Variants in KATNAL1 observed in about 807,000 individuals in gnomAD.
KATNAL1 encodes the protein katanin catalytic subunit A1 like 1, also known as katanin p60 ATPase-containing subunit A-like 1.
Under a neutral mutation model 55.2 loss-of-function variants are expected in KATNAL1, and 32 were observed. The observed-to-expected ratio is 0.58, with a 90% confidence interval of 0.44 to 0.78. The LOEUF is 0.78. Among genes scored for constraint, KATNAL1 ranks in the 30% least tolerant of loss-of-function variants. The probability of loss-of-function intolerance (pLI) is 0.00; values close to 1 mark genes in which losing one functional copy is unlikely to be tolerated. For missense variants in KATNAL1, 466 were observed against 600.9 expected (o/e 0.78, Z 2.35); for synonymous variants, 193 against 193.6 (o/e 1.00, Z 0.02).
chr13:30,255,241 T>A (rs1245739207), intron 4 of KATNAL1, among the ~76,000 whole-genome samples: 1 of 152,236 alleles, frequency 6.6e-6, no homozygotes, highest in Non-Finnish European at 1.5e-5. Context: ...TACATGTATG[T>A]GTATATAGAT....
chr13:30,301,685 C>G (rs907534911), intron 1 of KATNAL1, among the ~76,000 whole-genome samples: 2 of 152,078 alleles, frequency 1.3e-5, no homozygotes, highest in African/African-American at 2.4e-5. Flanking sequence ...GCCTCAAATT[C>G]CTTTAAAGTT....
At chr13:30,293,537 A>C (rs1269609990) in intron 1 of KATNAL1, among the ~76,000 whole-genome samples, 2 of 152,198 alleles carry the variant, frequency 1.3e-5, no homozygotes, top group African/African-American at 4.8e-5. Flanking sequence ...TTGAGGTATA[A>C]TTTTCATACA....
At chr13:30,210,988 C>T (rs903527991) in intron 9 of KATNAL1, among the ~76,000 whole-genome samples, 2 of 152,188 alleles carry the variant, frequency 1.3e-5, no homozygotes, top group African/African-American at 4.8e-5. Context: ...AGCCCACAGA[C>T]ATTTGCTGTT....
At chr13:30,278,704 A>G (rs9579550) in intron 3 of KATNAL1, among the ~76,000 whole-genome samples, 32,387 of 152,182 alleles carry the variant, frequency 0.21, 3,731 homozygotes, top group East Asian at 0.3. Flanking sequence ...AGAATTAATG[A>G]CTTTCAGTAA....
chr13:30,265,221 T>C (rs1353352076), intron 3 of KATNAL1, among the ~76,000 whole-genome samples: 1 of 125,656 alleles, frequency 8.0e-6, no homozygotes, highest in Non-Finnish European at 1.7e-5. Flanking sequence ...TGGGGACTGT[T>C]GTGGGGTGGG....
At position 30,208,606 on chromosome 13, in the gene KATNAL1, A is replaced by G; in HGVS notation, c.1407T>C (p.Ala469=). The change falls in exon 11 of 11, where the codon GCT becomes GCC. Residue 469 remains alanine, a synonymous_variant. Coordinates refer to ENST00000380615, the MANE Select transcript of KATNAL1 (RefSeq NM_032116.5). Reference sequence around the variant, plus strand: ...CCAAGTCTGCAGCAGAGACAGACTTAGCAATTTTCTTTAGGGCCAATTCAA... The same window carrying G: ...CCAAGTCTGCAGCAGAGACAGACTTGGCAATTTTCTTTAGGGCCAATTCAA... ...GDFELALKKI[A]KSVSAADLEK... 1.9e-6 allele frequency: 3 copies of G among 1,613,698 alleles called. No individual in the cohort carries two copies. The highest frequency in any genetic ancestry group is 2.5e-6 in the Non-Finnish European group (3 of 1,179,816).
Position 30,307,521 on chromosome 13 carries a change from G to T in KATNAL1, c.-205C>A, listed in dbSNP as rs1230177113. 1 of 152,280 alleles carries T rather than the reference G, an allele frequency of 6.6e-6. No individual in the cohort carries two copies. The highest frequency in any genetic ancestry group is 1.5e-5 in the Non-Finnish European group (1 of 68,132). 9.4% of individuals were successfully genotyped at this position (152,280 alleles called of 1,614,324 possible). ...CAGCGCGGGAGGGAGCGCGGGGGCT[G>T]TGAGTCCGCTCTGGGGCGGAGCTTG... On this transcript the variant is annotated 5_prime_UTR_variant, in exon 1 of 11. Transcript: ENST00000380615.
At chr13:30,217,070 T>C (rs189911585) in intron 9 of KATNAL1, among the ~76,000 whole-genome samples, 114 of 151,892 alleles carry the variant, frequency 7.5e-4, no homozygotes, top group Admixed American at 2.0e-3. Flanking sequence ...GTAACTATGA[T>C]TGGTGGCGGG....
chr13:30,274,891 ACGCGCG>A (rs138328965), intron 3 of KATNAL1, among the ~76,000 whole-genome samples: 2,021 of 122,088 alleles, frequency 0.017, 24 homozygotes, highest in Middle Eastern at 0.042. Context: ...GCACACACAT[ACGCGCG>A]CGCGCGCGCG....
At chr13:30,262,193 A>G (rs1014102033) in intron 3 of KATNAL1, among the ~76,000 whole-genome samples, 1 of 151,812 alleles carries the variant, frequency 6.6e-6, no homozygotes, top group Admixed American at 6.6e-5. Context: ...ACAACATACC[A>G]GAATCTCTGG....
intron 4 of KATNAL1, among the ~76,000 whole-genome samples, chr13:30,254,706 C>A (rs1311608158): frequency 6.6e-6 from 1 of 152,136 alleles, no homozygotes; most frequent in South Asian, 2.1e-4. Flanking sequence ...TAAAACTTTT[C>A]TGTGGCAATT....
At chr13:30,252,750 T>C (rs1410865997) in intron 4 of KATNAL1, among the ~76,000 whole-genome samples, 1 of 151,874 alleles carries the variant, frequency 6.6e-6, no homozygotes, top group African/African-American at 2.4e-5. Flanking sequence ...TCCTTTCTTT[T>C]TTTTTTTTTT....
chr13:30,244,591 C>CA (rs1200294714), intron 4 of KATNAL1, among the ~76,000 whole-genome samples: 14 of 152,024 alleles, frequency 9.2e-5, no homozygotes, highest in East Asian at 3.9e-4. Context: ...GCAAACCCTT[C>CA]AAAAAATCAA....
intron 1 of KATNAL1, among the ~76,000 whole-genome samples, chr13:30,302,120 C>T (rs1056795404): frequency 3.9e-5 from 6 of 152,178 alleles, no homozygotes; most frequent in African/African-American, 1.2e-4. Flanking sequence ...AGCTTTCTGC[C>T]CCTCTCAGCC....
chr13:30,307,058 G>T (rs938850098), intron 1 of KATNAL1: 8 of 151,058 alleles, frequency 5.3e-5, no homozygotes, highest in African/African-American at 2.0e-4. Context: ...GGTCTTTCCC[G>T]GCGGTCGGGG....
chr13:30,242,186 G>A (rs549380914), intron 4 of KATNAL1, among the ~76,000 whole-genome samples: 3 of 152,062 alleles, frequency 2.0e-5, no homozygotes, highest in Admixed American at 1.3e-4. Flanking sequence ...ACGTATCAAC[G>A]AAAGAATACA....
intron 1 of KATNAL1, among the ~76,000 whole-genome samples, chr13:30,291,653 T>G (rs1882140754): frequency 6.6e-6 from 1 of 152,158 alleles, no homozygotes; most frequent in South Asian, 2.1e-4. Flanking sequence ...CACAGATGTA[T>G]TCAGGTGGGG....
chr13:30,248,035 C>T (rs990397022), intron 4 of KATNAL1, among the ~76,000 whole-genome samples: 3 of 152,070 alleles, frequency 2.0e-5, no homozygotes, highest in African/African-American at 7.2e-5. Context: ...ATTAAGACAG[C>T]CTTGAAAGTG....
chr13:30,262,831 T>C lies in KATNAL1; in HGVS notation c.324-7216A>G, dbSNP rs1317340905. Among the ~76,000 whole-genome samples the C allele has an allele frequency of 3.2e-4, 49 of 151,684 alleles. 1 individual carries two copies. The South Asian group carries it at 0.01, about 32-fold the overall frequency. On this transcript the variant is annotated intron_variant, in intron 3 of 10. Coordinates refer to ENST00000380615, the MANE Select transcript of KATNAL1 (RefSeq NM_032116.5). ...ACCATTCCTTCTGAAACTATTCCAA[T>C]CAATAGAAAAAGAGGGAATCCTCCC...
Sources: allele counts gnomAD v4.1 joint callset (sites outside exome capture counted in the v4.1 genomes callset), GRCh38; gene constraint gnomAD v4.1.1; transcripts MANE v1.5; gene names NCBI Gene and HGNC (gene_info 2026-07-23, HGNC 2026-07-21).